Variants in CDH13 observed in about 807,000 individuals in gnomAD.
CDH13 encodes the protein cadherin-13.
CDH13 carries 24 observed loss-of-function variants against 63.8 expected under a neutral mutation model. The observed-to-expected ratio is 0.38, with a 90% CI of 0.27 to 0.53. CDH13 has a LOEUF of 0.53. Among genes scored for constraint, CDH13 ranks in the 20% least tolerant of loss-of-function variants. The probability of loss-of-function intolerance (pLI) is 0.85; values close to 1 mark genes in which losing one functional copy is unlikely to be tolerated. For synonymous variants in CDH13, 503 were observed against 355.3 expected (o/e 1.42, Z -4.67); for missense variants, 1,049 against 903.1 (o/e 1.16, Z -2.07).
intron 1 of CDH13, among the ~76,000 whole-genome samples, chr16:82,810,328 A>G (rs2037378605): frequency 6.6e-6 from 1 of 152,150 alleles, no homozygotes; most frequent in Admixed American, 6.5e-5. Context: ...GAGGAAACAA[A>G]TGCCTGCCGA....
At chr16:83,730,006 G>A (rs1463261404) in intron 10 of CDH13, among the ~76,000 whole-genome samples, 1 of 152,144 alleles carries the variant, frequency 6.6e-6, no homozygotes, top group Non-Finnish European at 1.5e-5. Context: ...GTTTGCATGT[G>A]GACCCTCACG....
intron 1 of CDH13, among the ~76,000 whole-genome samples, chr16:82,710,247 A>C (rs2031808222): frequency 6.8e-6 from 1 of 146,464 alleles, no homozygotes; most frequent in African/African-American, 2.5e-5. Context: ...ATATAAATAT[A>C]TTTATATAAA....
chr16:83,352,569 C>G (rs1939777466), intron 6 of CDH13, among the ~76,000 whole-genome samples: 1 of 152,188 alleles, frequency 6.6e-6, no homozygotes, highest in Admixed American at 6.5e-5. Flanking sequence ...CATACACACA[C>G]ACAATGGAAT....
rs188553153 is a variant in CDH13 at position 82,696,598 on chromosome 16, C to A, written c.45+69461C>A. The stretch of plus-strand genomic sequence containing the variant: ...AGAATGCCCATAGCTCATGTTGCAA[C>A]GAAGGCTGTAACAGGAAAGCAGGCC... On this transcript the variant is annotated intron_variant, in intron 1 of 13. Coordinates refer to ENST00000567109, the MANE Select transcript of CDH13 (RefSeq NM_001257.5). Among the ~76,000 whole-genome samples, 808 of 152,216 alleles carry A rather than the reference C, an allele frequency of 5.3e-3. 7 individuals are homozygous for A. The highest frequency in any genetic ancestry group is 0.018 in the African/African-American group (768 of 41,526).
At chr16:83,301,330 C>T (rs118159531) in intron 5 of CDH13, among the ~76,000 whole-genome samples, 2,699 of 152,264 alleles carry the variant, frequency 0.018, 28 homozygotes, top group Non-Finnish European at 0.028. Flanking sequence ...CGCACCTGGT[C>T]AGGGTTTTAT....
At chr16:82,637,627 C>A in intron 1 of CDH13, 1 of 149,032 alleles carries the variant, frequency 6.7e-6, no homozygotes, top group Non-Finnish European at 1.5e-5. Flanking sequence ...TTAGTAGAGA[C>A]GGGTTTTCAC....
intron 4 of CDH13, among the ~76,000 whole-genome samples, chr16:83,159,781 C>G (rs1359356030): frequency 1.3e-5 from 2 of 152,098 alleles, no homozygotes; most frequent in Non-Finnish European, 2.9e-5. Flanking sequence ...TTTTTAAATT[C>G]TAATATAATG....
At chr16:83,442,481 C>T (rs574303621) in intron 6 of CDH13, among the ~76,000 whole-genome samples, 3 of 152,350 alleles carry the variant, frequency 2.0e-5, no homozygotes, top group African/African-American at 7.2e-5. Flanking sequence ...TCCTGAATTG[C>T]ATGTCACCTT....
chr16:83,658,487 A>G (rs1913100741), intron 8 of CDH13, among the ~76,000 whole-genome samples: 46 of 136,666 alleles, frequency 3.4e-4, no homozygotes, highest in African/African-American at 7.3e-4. Context: ...CAGGTCCCGT[A>G]TCCTCACCAG....
intron 1 of CDH13, among the ~76,000 whole-genome samples, chr16:82,738,430 C>G (rs1465192949): frequency 6.6e-6 from 1 of 152,184 alleles, no homozygotes; most frequent in Non-Finnish European, 1.5e-5. Context: ...CCTGAAATCT[C>G]TCTCATTCTC....
At chr16:83,175,369 A>T (rs2151735393) in intron 4 of CDH13, among the ~76,000 whole-genome samples, 1 of 152,284 alleles carries the variant, frequency 6.6e-6, no homozygotes, top group African/African-American at 2.4e-5. Flanking sequence ...AACCCCCACG[A>T]TAGCCCACTG....
chr16:83,606,426 G>T (rs1231474828), intron 8 of CDH13, among the ~76,000 whole-genome samples: 1 of 152,088 alleles, frequency 6.6e-6, no homozygotes, highest in Non-Finnish European at 1.5e-5. Context: ...AATAGAGGTA[G>T]TTTCTCTCAC....
chr16:83,448,181 T>C (rs2072768251), intron 6 of CDH13, among the ~76,000 whole-genome samples: 1 of 152,152 alleles, frequency 6.6e-6, no homozygotes, highest in African/African-American at 2.4e-5. Context: ...TTTTTTTTAA[T>C]CTCATGATCT....
intron 5 of CDH13, among the ~76,000 whole-genome samples, chr16:83,218,461 C>A (rs1337060525): frequency 1.4e-5 from 2 of 144,946 alleles, no homozygotes; most frequent in Admixed American, 6.7e-5. Flanking sequence ...CCAACTTATA[C>A]TCAAGGGGGA....
At chr16:82,642,697 A>G (rs1370662561) in intron 1 of CDH13, among the ~76,000 whole-genome samples, 1 of 152,184 alleles carries the variant, frequency 6.6e-6, no homozygotes, top group Non-Finnish European at 1.5e-5. Flanking sequence ...GGGGGAATTG[A>G]GGAATAATAA....
chr16:83,600,055 G>C (rs1215831870), intron 7 of CDH13, among the ~76,000 whole-genome samples: 1 of 152,174 alleles, frequency 6.6e-6, no homozygotes, highest in East Asian at 1.9e-4. Flanking sequence ...TTCAGCCTGA[G>C]AATAGATGGG....
intron 5 of CDH13, among the ~76,000 whole-genome samples, chr16:83,340,589 C>T (rs7193986): frequency 0.53 from 80,741 of 152,032 alleles, 21,547 homozygotes; most frequent in South Asian, 0.63. Context: ...AATGTGCACC[C>T]GAATTCTCTA....
chr16:82,898,994 C>G (rs945118480), intron 2 of CDH13, among the ~76,000 whole-genome samples: 1 of 152,208 alleles, frequency 6.6e-6, no homozygotes, highest in Non-Finnish European at 1.5e-5. Flanking sequence ...AGGTAATTCC[C>G]AAGAGGACCA....
rs75109097 is a variant in CDH13 at position 82,897,261 on chromosome 16, A to G, written c.157+38788A>G. 9.6e-4 allele frequency among the ~76,000 whole-genome samples: 147 copies of G among 152,346 alleles called. 2 individuals are homozygous for G. The East Asian group carries it at 0.025, about 26-fold the overall frequency. On this transcript the variant is annotated intron_variant, in intron 2 of 13. Transcript: ENST00000567109. ...ACCTTGGCAAGAAATGTGGCCACAG[A>G]TATCAGCACACAGCAGCTGGGGTAG... is the stretch of plus-strand genomic sequence containing the variant.
Sources: gnomAD v4.1 joint callset for allele counts (sites outside exome capture counted in the v4.1 genomes callset) on GRCh38, gnomAD v4.1.1 for gene constraint, MANE v1.5 for transcripts, NCBI Gene and HGNC (gene_info 2026-07-23, HGNC 2026-07-21) for gene names.